C16orf90: variants seen among roughly 807,000 people sequenced by gnomAD.
The protein encoded by C16orf90 is chromosome 16 open reading frame 90.
A neutral mutation model predicts 17.1 loss-of-function variants in C16orf90; 17 were observed. The observed-to-expected ratio is 1.00, with a 90% CI of 0.68 to 1.49. The LOEUF is 1.49. Among genes scored for constraint, C16orf90 ranks in the 40% most tolerant of loss-of-function variants. The pLI, the probability that C16orf90 is intolerant of heterozygous loss-of-function variation, is 0.00. For synonymous variants in C16orf90, 108 were observed against 95.8 expected (o/e 1.13, Z -0.75); for missense variants, 255 against 235.5 (o/e 1.08, Z -0.54).
chr16:3,494,851 G>C lies in C16orf90; in HGVS notation c.73C>G (p.Pro25Ala). The change falls in exon 2 of 3, where the codon CCC becomes GCC. Residue 25 changes from proline (P) to alanine (A), a missense_variant. Physicochemically the swap from Pro to Ala is conservative, Grantham distance 27 (BLOSUM62 -1). Coordinates refer to ENST00000437192, the MANE Select transcript of C16orf90 (RefSeq NM_001080524.2). ...TTGGGGGGTGCGTCAGGGTGGCCGG[G>C]GCGTCCTTGGGCCTGGCTCACTGCA... is the stretch of plus-strand genomic sequence containing the variant. ...EDAVSQAQGR[P>A]GHPDAPPNIY... The C allele has an allele frequency of 6.5e-7, 1 of 1,527,046 alleles. No individual in the cohort carries two copies. The highest frequency in any genetic ancestry group is 8.7e-7 in the Non-Finnish European group (1 of 1,143,216). 94.6% of individuals were successfully genotyped at this position (1,527,046 alleles called of 1,614,324 possible).
At position 3,494,621 on chromosome 16, in the gene C16orf90, C is replaced by T. The variant is rs1187522441; in HGVS notation, c.303G>A (p.Trp101Ter). Residue 101 changes from tryptophan to a stop codon, truncating the protein, a stop_gained, in exon 2 of 3, where the codon TGG (tryptophan) becomes TGA (stop). Coordinates refer to ENST00000437192, the MANE Select transcript of C16orf90 (RefSeq NM_001080524.2). LOFTEE classifies it high-confidence loss of function. ...GCLPQPEGTA[W>*]ALDLPQGTLG... Reference sequence around the variant, plus strand: ...GAGTCCCCTGTGGCAGGTCCAGGGCCCAGGCTGTGCCCTCAGGCTGTGGCA... The same window carrying T: ...GAGTCCCCTGTGGCAGGTCCAGGGCTCAGGCTGTGCCCTCAGGCTGTGGCA... 1.9e-6 allele frequency: 3 copies of T among 1,612,262 alleles called. No individual in the cohort carries two copies. The highest frequency in any genetic ancestry group is 2.5e-6 in the Non-Finnish European group (3 of 1,179,750).
At chr16:3,495,038 TC>T (rs1350731817) in intron 1 of C16orf90, among the ~76,000 whole-genome samples, 161 bp from the exon 2 acceptor site, 1 of 152,036 alleles carries the variant, frequency 6.6e-6, no homozygotes, top group African/African-American at 2.4e-5. Context: ...GTCCACTGCC[TC>T]CCCTGCCCAT....
intron 2 of C16orf90, 40 bp downstream of exon 2, chr16:3,494,484 G>A (rs745700071): frequency 1.6e-5 from 25 of 1,559,082 alleles, no homozygotes; most frequent in Non-Finnish European, 1.4e-5. Flanking sequence ...CATCCCCTAG[G>A]GTCTTCCCCC....
upstream of C16orf90, chr16:3,496,213 G>A (rs879099066): frequency 1.9e-5 from 11 of 580,966 alleles, no homozygotes; most frequent in Admixed American, 1.4e-4. Context: ...GGGAGCTGAC[G>A]TCCGCCACAA....
chr16:3,495,488 C>G lies in C16orf90; in HGVS notation c.-67G>C, dbSNP rs780946824. 12 of 1,576,212 alleles carry G rather than the reference C, an allele frequency of 7.6e-6. No individual in the cohort carries two copies. The highest frequency in any genetic ancestry group is 1.0e-5 in the Non-Finnish European group (12 of 1,159,620). ...GCAGCAGGGCCCTGCTCTCCCCTGCCTAGGGGGTACATTGGCAGGTCTCCC... is the reference window on the plus strand; with the variant it reads ...GCAGCAGGGCCCTGCTCTCCCCTGCGTAGGGGGTACATTGGCAGGTCTCCC... On this transcript the variant is annotated 5_prime_UTR_variant, in exon 1 of 3. Transcript: ENST00000437192.
At chr16:3,496,289 G>A, upstream of C16orf90, 1 of 851,200 alleles carries the variant, frequency 1.2e-6, no homozygotes, top group Non-Finnish European at 1.9e-6. Context: ...CTGTTTGTTG[G>A]TCAAGCTGTA....
chr16:3,495,502 G>A, upstream of C16orf90: 2 of 1,562,958 alleles, frequency 1.3e-6, no homozygotes, highest in Non-Finnish European at 1.7e-6. Context: ...GGGGTACATT[G>A]GCAGGTCTCC....
chr16:3,494,639 C>A lies in C16orf90; in HGVS notation c.285G>T (p.Gln95His). 1 of 1,610,844 alleles carries A rather than the reference C, an allele frequency of 6.2e-7. No homozygotes were observed. Among genetic ancestry groups the A allele is most frequent in the South Asian group, 1.1e-5 (1 of 90,952 alleles). ...GRLMAGGCLPQPEGTAWALDL... is the reference protein window; with the variant it reads ...GRLMAGGCLPHPEGTAWALDL... The stretch of plus-strand genomic sequence containing the variant: ...CCAGGGCCCAGGCTGTGCCCTCAGG[C>A]TGTGGCAGGCAGCCCCCAGCCATAA... Residue 95 changes from glutamine to histidine, a missense_variant, in exon 2 of 3, where the codon CAG becomes CAT. Physicochemically the swap from Gln to His is conservative, Grantham distance 24. Coordinates refer to ENST00000437192, the MANE Select transcript of C16orf90 (RefSeq NM_001080524.2).
At chr16:3,496,422 C>T, upstream of C16orf90, 1 of 1,010,408 alleles carries the variant, frequency 9.9e-7, no homozygotes. Flanking sequence ...ATGAAGCTTC[C>T]TGGCTGGGAA....
At chr16:3,495,051 C>G (rs1365659955) in intron 1 of C16orf90, among the ~76,000 whole-genome samples, 174 bp from the exon 2 acceptor site, 1 of 152,122 alleles carries the variant, frequency 6.6e-6, no homozygotes, top group East Asian at 1.9e-4. Flanking sequence ...CCTGCCCATG[C>G]CCAAGACACG....
upstream of C16orf90, among the ~76,000 whole-genome samples, chr16:3,495,656 C>T (rs1229509458): frequency 6.6e-6 from 1 of 152,228 alleles, no homozygotes; most frequent in Non-Finnish European, 1.5e-5. Context: ...AGTCCCTGGT[C>T]CCTCTGGCTG....
chr16:3,495,822 G>A (rs1272631606), upstream of C16orf90, among the ~76,000 whole-genome samples: 2 of 152,122 alleles, frequency 1.3e-5, no homozygotes, highest in Non-Finnish European at 2.9e-5. Context: ...ATGCTGAAAA[G>A]GGGCTGGGGG....
intron 1 of C16orf90, 90 bp from the exon 2 acceptor site, chr16:3,494,967 C>T: frequency 2.0e-6 from 2 of 1,002,886 alleles, no homozygotes; most frequent in East Asian, 2.6e-5. Flanking sequence ...GACCAGCTCA[C>T]ATGATGGGCT....
upstream of C16orf90, chr16:3,496,119 C>A (rs2037305391): frequency 5.3e-6 from 2 of 376,978 alleles, no homozygotes; most frequent in Non-Finnish European, 5.1e-6. Context: ...CCAGCCTGGG[C>A]TGCAGAGCGA....
chr16:3,496,555 G>T, upstream of C16orf90: 1 of 547,712 alleles, frequency 1.8e-6, no homozygotes, highest in Non-Finnish European at 3.6e-6. Flanking sequence ...TCAGGGTGGG[G>T]GCCAAGATCC....
At chr16:3,494,354 GCTTAGCT>G (rs2151031773) in intron 2 of C16orf90, among the ~76,000 whole-genome samples, 163 bp downstream of exon 2, 2 of 151,828 alleles carry the variant, frequency 1.3e-5, no homozygotes, top group South Asian at 4.2e-4. Flanking sequence ...TCCAGACCCC[GCTTAGCT>G]GTGCGTGATG....
In C16orf90 at chr16:3,493,796, G is replaced by A; in HGVS notation, c.*43C>T. 1.3e-6 allele frequency: 2 copies of A among 1,545,252 alleles called. No homozygotes were observed. Among genetic ancestry groups the A allele is most frequent in the Non-Finnish European group, 1.8e-6 (2 of 1,141,780 alleles). On this transcript the variant is annotated 3_prime_UTR_variant, in exon 3 of 3. Transcript: ENST00000437192. ...CCCTCCTGCTCAGGCTGCCTCCTCGGCCATCCTGCCCCTCCTGTACCCAGT... is the reference window on the plus strand; with the variant it reads ...CCCTCCTGCTCAGGCTGCCTCCTCGACCATCCTGCCCCTCCTGTACCCAGT...
Position 3,494,801 on chromosome 16 carries a change from G to C in C16orf90, c.123C>G (p.Ser41=). Residue 41 remains serine (S), a synonymous_variant, in exon 2 of 3, where the codon TCC becomes TCG. Transcript: ENST00000437192. ...GGGCACTGGGGCACTGCGGCTGCGG[G>C]GACCCCAGGCCCCCCTCGTAGATGT... ...PPNIYEGGLG[S]PQPQCPSAQG... is the part of the protein sequence containing the mutation. 1 of 1,582,120 alleles carries C rather than the reference G, an allele frequency of 6.3e-7. No individual in the cohort carries two copies. Among genetic ancestry groups the C allele is most frequent in the Non-Finnish European group, 8.6e-7 (1 of 1,166,038 alleles).
At chr16:3,496,047 A>G (rs1288244851), upstream of C16orf90, among the ~76,000 whole-genome samples, 1 of 152,094 alleles carries the variant, frequency 6.6e-6, no homozygotes, top group East Asian at 1.9e-4. Context: ...AGGCTGAGGC[A>G]GGAGAATGGC....
Sources: gnomAD v4.1 joint callset for allele counts (sites outside exome capture counted in the v4.1 genomes callset) on GRCh38, gnomAD v4.1.1 for gene constraint, MANE v1.5 for transcripts, NCBI Gene and HGNC (gene_info 2026-07-23, HGNC 2026-07-21) for gene names.